Variants in TRMT9B observed in about 807,000 individuals in gnomAD.
TRMT9B encodes tRNA methyltransferase 9B (putative), also known as probable tRNA methyltransferase 9B.
TRMT9B carries 16 observed loss-of-function variants against 11.5 expected under a neutral mutation model. The ratio of observed to expected loss-of-function variants is 1.39; its 90% confidence interval spans 0.94 to 2.11. The LOEUF is 2.11. Among genes scored for constraint, TRMT9B ranks in the 30% most tolerant of loss-of-function variants. The pLI is 0.00. For missense variants in TRMT9B, 941 were observed against 553.8 expected (o/e 1.70, Z -7.02); for synonymous variants, 274 against 192.4 (o/e 1.42, Z -3.51).
chr8:13,012,878 A>G, intron 4 of TRMT9B, 21 bp downstream of exon 4: 2 of 1,611,114 alleles, frequency 1.2e-6, no homozygotes, highest in South Asian at 2.2e-5. Flanking sequence ...CAGATCACAC[A>G]TTCACCCTTT....
At chr8:13,001,327 G>C (rs1809405701) in intron 2 of TRMT9B, among the ~76,000 whole-genome samples, 2 of 152,092 alleles carry the variant, frequency 1.3e-5, no homozygotes, top group Non-Finnish European at 2.9e-5. Flanking sequence ...CAGTGAGGCG[G>C]GGATCCCTGG....
At chr8:12,950,389 A>G (rs1800503294) in intron 1 of TRMT9B, among the ~76,000 whole-genome samples, 1 of 152,176 alleles carries the variant, frequency 6.6e-6, no homozygotes, top group Admixed American at 6.5e-5. Flanking sequence ...CTGTTAGAAG[A>G]GGACAAGGAA....
intron 1 of TRMT9B, among the ~76,000 whole-genome samples, chr8:12,968,382 T>A (rs1436229781): frequency 6.6e-6 from 1 of 152,206 alleles, no homozygotes. Flanking sequence ...TGTTGTTTGG[T>A]TGGAATTGCT....
chr8:13,008,985 C>T (rs983839091), intron 3 of TRMT9B, among the ~76,000 whole-genome samples: 2 of 152,166 alleles, frequency 1.3e-5, no homozygotes, highest in Non-Finnish European at 2.9e-5. Flanking sequence ...ACCTTCGCCT[C>T]CCAAAGTGCT....
At chr8:12,994,589 A>G (rs1017361582) in intron 2 of TRMT9B, among the ~76,000 whole-genome samples, 1 of 152,230 alleles carries the variant, frequency 6.6e-6, no homozygotes, top group African/African-American at 2.4e-5. Context: ...GCAGGCTAAG[A>G]GGACCTTAAA....
intron 1 of TRMT9B, among the ~76,000 whole-genome samples, chr8:12,984,469 C>CT (rs1330694155): frequency 3.9e-5 from 6 of 152,122 alleles, no homozygotes; most frequent in Admixed American, 2.6e-4. Context: ...TTTAAAAGCT[C>CT]TTTCTTGAGC....
At chr8:12,946,941 G>A (rs1029257753) in intron 1 of TRMT9B, among the ~76,000 whole-genome samples, 14 of 152,174 alleles carry the variant, frequency 9.2e-5, no homozygotes, top group Non-Finnish European at 1.5e-4. Context: ...CTTGGATAAA[G>A]GCAGCAGCTA....
At position 12,957,946 on chromosome 8, in the gene TRMT9B, C is replaced by T. The variant is rs575108311; in HGVS notation, c.-200+11980C>T. Among the ~76,000 whole-genome samples, 9 of 152,250 alleles carry T rather than the reference C, an allele frequency of 5.9e-5. No individual in the cohort carries two copies. The South Asian group carries it at 1.7e-3, about 28-fold the overall frequency. ...CCATACCCATTAAACCATAACTCCCCATCCCTCCTCCTCACAGTACCTTTT... is the reference window on the plus strand; with the variant it reads ...CCATACCCATTAAACCATAACTCCCTATCCCTCCTCCTCACAGTACCTTTT... On this transcript the variant is annotated intron_variant, in intron 1 of 4. Coordinates refer to ENST00000524591, the MANE Select transcript of TRMT9B (RefSeq NM_020844.3).
At chr8:13,016,903 G>A (rs1308761744) in intron 4 of TRMT9B, among the ~76,000 whole-genome samples, 3 of 150,412 alleles carry the variant, frequency 2.0e-5, no homozygotes, top group African/African-American at 4.9e-5. Context: ...GAGGCAGGCG[G>A]ATCACAAGGT....
At position 12,967,186 on chromosome 8, in the gene TRMT9B, A is replaced by G. The variant is rs560914139; in HGVS notation, c.-200+21220A>G. 3.3e-4 allele frequency among the ~76,000 whole-genome samples: 51 copies of G among 152,352 alleles called. 1 individual carries two copies. The South Asian group carries it at 0.011, about 32-fold the overall frequency. The stretch of plus-strand genomic sequence containing the variant: ...CTCCTGAATTTGTTCTCTTTCTGAA[A>G]TGATCATCCAAAGATATGCACAATG... On this transcript the variant is annotated intron_variant, in intron 1 of 4. Transcript: ENST00000524591.
At position 12,987,044 on chromosome 8, in the gene TRMT9B, C is replaced by A. The variant is rs1267525355; in HGVS notation, c.-199-3790C>A. Among the ~76,000 whole-genome samples the A allele has an allele frequency of 2.6e-5, 4 of 152,308 alleles. No homozygotes were observed. In the South Asian group the frequency reaches 8.3e-4, roughly 32 times the overall value. On this transcript the variant is annotated intron_variant, in intron 1 of 4. Transcript: ENST00000524591. Reference sequence around the variant, plus strand: ...CTGGACTAGGTCCTATATGATCTGACTCCTGCCCTCTCTTCCAGCCTCTTA... The same window carrying A: ...CTGGACTAGGTCCTATATGATCTGAATCCTGCCCTCTCTTCCAGCCTCTTA...
intron 2 of TRMT9B, among the ~76,000 whole-genome samples, chr8:12,995,521 CACTCAAT>C (rs1403837917): frequency 6.6e-6 from 1 of 152,106 alleles, no homozygotes; most frequent in Admixed American, 6.5e-5. Flanking sequence ...GCATGATAAT[CACTCAAT>C]ACATATATTA....
chr8:13,013,465 T>G (rs373066330), intron 4 of TRMT9B, among the ~76,000 whole-genome samples: 3 of 152,122 alleles, frequency 2.0e-5, no homozygotes, highest in African/African-American at 7.2e-5. Context: ...AAAACACACA[T>G]GCCAAAAAAT....
chr8:13,025,808 A>G lies in TRMT9B; in HGVS notation c.*3764A>G, dbSNP rs1370013842. 6.0e-6 allele frequency: 1 copy of G among 166,958 alleles called. No homozygotes were observed. Among genetic ancestry groups the G allele is most frequent in the African/African-American group, 2.4e-5 (1 of 41,460 alleles). The allele number at this position is 166,958 out of a possible 1,614,324, so 10.3% of individuals were successfully genotyped here. A position where few individuals can be genotyped will look rare whatever the true frequency, so the allele number is the denominator to read the frequency against. On this transcript the variant is annotated 3_prime_UTR_variant, in exon 5 of 5. Coordinates refer to ENST00000524591, the MANE Select transcript of TRMT9B (RefSeq NM_020844.3). ...TAGATCTCCGTGCAGAATAGTGCTA[A>G]TTCTTATTTCTCGTTTGCCTTTCTA...
intron 1 of TRMT9B, among the ~76,000 whole-genome samples, chr8:12,964,603 C>A (rs985538841): frequency 2.0e-5 from 3 of 152,108 alleles, no homozygotes; most frequent in African/African-American, 7.2e-5. Flanking sequence ...GAGACGGGGT[C>A]TCTCTCTGTC....
chr8:12,986,163 A>G (rs956898466), intron 1 of TRMT9B, among the ~76,000 whole-genome samples: 2 of 152,130 alleles, frequency 1.3e-5, no homozygotes, highest in African/African-American at 4.8e-5. Context: ...TGCCCAGTCA[A>G]TGATGATGTT....
chr8:12,977,820 G>C (rs950171837), intron 1 of TRMT9B, among the ~76,000 whole-genome samples: 1 of 151,516 alleles, frequency 6.6e-6, no homozygotes, highest in Non-Finnish European at 1.5e-5. Flanking sequence ...TTCGAGACCA[G>C]CCTGGGCAAT....
intron 1 of TRMT9B, among the ~76,000 whole-genome samples, chr8:12,982,107 C>G (rs1184163339): frequency 1.3e-5 from 2 of 152,192 alleles, no homozygotes; most frequent in Admixed American, 6.5e-5. Flanking sequence ...ACATACCTCT[C>G]CATGTCTTTG....
intron 2 of TRMT9B, among the ~76,000 whole-genome samples, chr8:13,004,674 A>C (rs1046788278): frequency 2.0e-5 from 3 of 151,990 alleles, no homozygotes; most frequent in Non-Finnish European, 4.4e-5. Context: ...ATACCCAAGT[A>C]ATACGCTGTG....
Sources: gnomAD v4.1 joint callset for allele counts (sites outside exome capture counted in the v4.1 genomes callset) on GRCh38, gnomAD v4.1.1 for gene constraint, MANE v1.5 for transcripts, NCBI Gene and HGNC (gene_info 2026-07-23, HGNC 2026-07-21) for gene names.